TWSG1: variants seen among roughly 807,000 people sequenced by gnomAD.
TWSG1 encodes the protein twisted gastrulation protein homolog 1.
A neutral mutation model predicts 23.0 loss-of-function variants in TWSG1; 15 were observed. That is an observed-to-expected ratio of 0.65 (90% CI 0.44 to 1.00). TWSG1 has a LOEUF of 1.00. Ranked by LOEUF, TWSG1 falls within the 50% of genes least tolerant of loss-of-function variation. TWSG1 has a pLI of 0.00. For missense variants in TWSG1, 242 were observed against 278.7 expected (o/e 0.87, Z 0.94); for synonymous variants, 86 against 92.8 (o/e 0.93, Z 0.42).
At chr18:9,390,409 C>G (rs888877554) in intron 3 of TWSG1, among the ~76,000 whole-genome samples, 1 of 152,164 alleles carries the variant, frequency 6.6e-6, no homozygotes, top group Non-Finnish European at 1.5e-5. Context: ...GATCCGCCCC[C>G]CTCGGCCTCC....
At position 9,380,841 on chromosome 18, in the gene TWSG1, G is replaced by A. The variant is rs532072420; in HGVS notation, c.224-15439G>A. On this transcript the variant is annotated intron_variant, in intron 3 of 4. Transcript: ENST00000262120. ...TTATGTTTATCAAAACAGAGCCCAGGTTTTAAAAGATTAAGGAAAGCTGCC... is the reference window on the plus strand; with the variant it reads ...TTATGTTTATCAAAACAGAGCCCAGATTTTAAAAGATTAAGGAAAGCTGCC... 4.0e-4 allele frequency among the ~76,000 whole-genome samples: 61 copies of A among 152,262 alleles called. 2 individuals are homozygous for A. The highest frequency in any genetic ancestry group is 3.3e-4 in the Admixed American group (5 of 15,288).
At chr18:9,340,899 A>G (rs2040443955) in intron 2 of TWSG1, among the ~76,000 whole-genome samples, 1 of 152,250 alleles carries the variant, frequency 6.6e-6, no homozygotes. Flanking sequence ...ATAGCTGCAT[A>G]TGACTAGTGG....
chr18:9,382,813 A>AC (rs1467264163), intron 3 of TWSG1, among the ~76,000 whole-genome samples: 5 of 105,858 alleles, frequency 4.7e-5, no homozygotes, highest in Non-Finnish European at 9.8e-5. Context: ...TCTCAAAAAA[A>AC]AAAAAACAAA....
Position 9,399,439 on chromosome 18 carries a change from G to C in TWSG1, c.584G>C (p.Trp195Ser), listed in dbSNP as rs2040753198. Reference protein sequence around the residue: ...CESMGASKYRWFHNACCECIG... With the variant: ...CESMGASKYRSFHNACCECIG... The stretch of plus-strand genomic sequence containing the variant: ...TCCATGGGAGCATCCAAATATCGCT[G>C]GTTTCATAATGCCTGCTGCGAGTGC... Residue 195 changes from tryptophan (W) to serine (S), a missense_variant, in exon 5 of 5, where the codon TGG becomes TCG. By Grantham distance (177) the Trp-to-Ser change is radical. Coordinates refer to ENST00000262120, the MANE Select transcript of TWSG1 (RefSeq NM_020648.6). 1 of 1,613,894 alleles carries C rather than the reference G, an allele frequency of 6.2e-7. No homozygotes were observed. Among genetic ancestry groups the C allele is most frequent in the Admixed American group, 1.7e-5 (1 of 59,982 alleles).
intron 2 of TWSG1, among the ~76,000 whole-genome samples, chr18:9,355,658 A>T (rs1276628513): frequency 1.3e-5 from 2 of 152,226 alleles, no homozygotes; most frequent in Non-Finnish European, 2.9e-5. Context: ...CATAGAGTAG[A>T]CATATTTTTG....
At chr18:9,346,784 T>G (rs2040479199) in intron 2 of TWSG1, among the ~76,000 whole-genome samples, 1 of 152,200 alleles carries the variant, frequency 6.6e-6, no homozygotes, top group Admixed American at 6.5e-5. Flanking sequence ...ATAAAGCTGC[T>G]ATAACCATCC....
intron 3 of TWSG1, among the ~76,000 whole-genome samples, chr18:9,394,788 G>GCACA (rs1305671697): frequency 1.3e-5 from 2 of 151,788 alleles, no homozygotes; most frequent in Non-Finnish European, 1.5e-5. Flanking sequence ...ACACACGCAC[G>GCACA]CACACACATG....
chr18:9,396,167 AAAGGT>A, intron 3 of TWSG1, 108 bp from the exon 4 acceptor site: 1 of 832,556 alleles, frequency 1.2e-6, no homozygotes, highest in Non-Finnish European at 1.8e-6. Flanking sequence ...AAAAAAAAAA[AAAGGT>A]AGGAAAATAT....
At chr18:9,350,150 A>AG (rs1479372790) in intron 2 of TWSG1, among the ~76,000 whole-genome samples, 1 of 152,126 alleles carries the variant, frequency 6.6e-6, no homozygotes, top group Admixed American at 6.5e-5. Context: ...AAAAAAAAAA[A>AG]AAGTTGTGGC....
At chr18:9,361,795 C>T (rs1426705599) in intron 3 of TWSG1, among the ~76,000 whole-genome samples, 12 of 152,206 alleles carry the variant, frequency 7.9e-5, no homozygotes, top group Admixed American at 6.5e-4. Context: ...TTTAATTTCT[C>T]TAAAGACTAA....
intron 2 of TWSG1, among the ~76,000 whole-genome samples, chr18:9,345,491 A>G (rs2040472861): frequency 6.6e-6 from 1 of 152,196 alleles, no homozygotes; most frequent in Non-Finnish European, 1.5e-5. Context: ...TATTTTGTAT[A>G]TGGATATCCA....
chr18:9,346,727 C>T (rs1440655978), intron 2 of TWSG1, among the ~76,000 whole-genome samples: 1 of 152,216 alleles, frequency 6.6e-6, no homozygotes, highest in East Asian at 1.9e-4. Context: ...CACACAACTG[C>T]ACTCCAGCCT....
chr18:9,341,856 A>C (rs1350707730), intron 2 of TWSG1, among the ~76,000 whole-genome samples: 1 of 151,882 alleles, frequency 6.6e-6, no homozygotes, highest in South Asian at 2.1e-4. Flanking sequence ...AGTTTTAAGA[A>C]CAGTGCATTT....
chr18:9,355,920 T>A (rs1055135653), intron 2 of TWSG1, among the ~76,000 whole-genome samples: 2 of 152,196 alleles, frequency 1.3e-5, no homozygotes, highest in African/African-American at 4.8e-5. Context: ...TTACCCAAAT[T>A]ATGAACATTT....
At chr18:9,388,454 T>C (rs1031120075) in intron 3 of TWSG1, 3 of 152,234 alleles carry the variant, frequency 2.0e-5, no homozygotes, top group African/African-American at 7.2e-5. Flanking sequence ...ACTTTTAGAA[T>C]CAATGTATGA....
intron 2 of TWSG1, among the ~76,000 whole-genome samples, chr18:9,345,862 A>G (rs2040474588): frequency 6.6e-6 from 1 of 152,192 alleles, no homozygotes. Flanking sequence ...AGAAAAATTG[A>G]GCAGAGAGTA....
intron 3 of TWSG1, among the ~76,000 whole-genome samples, chr18:9,379,115 G>A (rs534264534): frequency 2.0e-5 from 3 of 152,264 alleles, no homozygotes; most frequent in East Asian, 1.9e-4. Context: ...GCAGTGTAAC[G>A]ATTCCTCAAA....
intron 3 of TWSG1, among the ~76,000 whole-genome samples, chr18:9,390,459 C>G (rs1468904023): frequency 1.3e-5 from 2 of 152,028 alleles, no homozygotes; most frequent in Non-Finnish European, 2.9e-5. Context: ...CTGCGCCCAG[C>G]CTTCTTTCTT....
intron 2 of TWSG1, among the ~76,000 whole-genome samples, chr18:9,349,826 C>T (rs2040493514): frequency 6.6e-6 from 1 of 152,098 alleles, no homozygotes; most frequent in African/African-American, 2.4e-5. Flanking sequence ...TCCTCTTCAT[C>T]CCATTTTCCT....
Sources: allele counts gnomAD v4.1 joint callset (sites outside exome capture counted in the v4.1 genomes callset), GRCh38; gene constraint gnomAD v4.1.1; transcripts MANE v1.5; gene names NCBI Gene and HGNC (gene_info 2026-07-23, HGNC 2026-07-21).